SGK1: variants seen among roughly 807,000 people sequenced by gnomAD.
SGK1 encodes the protein serine/threonine-protein kinase Sgk1.
Under a neutral mutation model 64.2 loss-of-function variants are expected in SGK1, and 26 were observed. The observed-to-expected ratio is 0.40, with a 90% CI of 0.30 to 0.56. SGK1 has a LOEUF of 0.56. SGK1 is among the 20% of genes least tolerant of loss of function. The pLI is 0.38. For synonymous variants in SGK1, 265 were observed against 239.7 expected, an observed-to-expected ratio of 1.11 and a Z score of -0.98; for missense variants, 519 against 645.6, an observed-to-expected ratio of 0.80 and a Z score of 2.12.
intron 1 of SGK1, chr6:134,297,016 A>G (rs1777364698): frequency 2.3e-6 from 1 of 436,630 alleles, no homozygotes; most frequent in Non-Finnish European, 4.5e-6. Context: ...AGGACATCAG[A>G]GGACTTGGAC....
intron 2 of SGK1, among the ~76,000 whole-genome samples, chr6:134,215,846 G>A (rs780982213): frequency 2.0e-5 from 3 of 151,982 alleles, no homozygotes; most frequent in African/African-American, 4.8e-5. Context: ...GAGAAACTAC[G>A]TCTCTACTAA....
chr6:134,235,838 G>A lies in SGK1; in HGVS notation c.285+26095C>T, dbSNP rs528434339. ...GATCCTCTCTCCTCGGTCTCCCAAAGTGCTGGGATTATAGGTGTGAGCCGC... is the reference window on the plus strand; with the variant it reads ...GATCCTCTCTCCTCGGTCTCCCAAAATGCTGGGATTATAGGTGTGAGCCGC... On this transcript the variant is annotated intron_variant, in intron 2 of 13. Transcript: ENST00000367858. 2.6e-3 allele frequency among the ~76,000 whole-genome samples: 403 copies of A among 152,194 alleles called. 2 individuals carry two copies. The highest frequency in any genetic ancestry group is 9.4e-3 in the African/African-American group (389 of 41,528).
Position 134,173,577 on chromosome 6 carries a change from A to G in SGK1, c.514-11T>C, listed in dbSNP as rs1022768825. ...CTGAGAAGGACTTGGCTAGAAAAAA[A>G]AAAAAAGAATTTCTTTTAATACCAT... On this transcript the variant is annotated splice_polypyrimidine_tract_variant and intron_variant, in intron 5 of 13. Coordinates refer to ENST00000367858, the MANE Select transcript of SGK1 (RefSeq NM_001143676.3). The G allele has an allele frequency of 1.7e-5, 27 of 1,564,898 alleles. No individual in the cohort carries two copies. Among genetic ancestry groups the G allele is most frequent in the African/African-American group, 2.8e-5 (2 of 72,278 alleles).
At chr6:134,294,562 G>T (rs568233731) in intron 1 of SGK1, among the ~76,000 whole-genome samples, 17 of 152,156 alleles carry the variant, frequency 1.1e-4, no homozygotes, top group Admixed American at 9.8e-4. Flanking sequence ...TGAAATGGAG[G>T]CTCACTTTGT....
At chr6:134,197,549 G>C (rs1364208943) in intron 3 of SGK1, among the ~76,000 whole-genome samples, 1 of 152,088 alleles carries the variant, frequency 6.6e-6, no homozygotes, top group African/African-American at 2.4e-5. Context: ...AAGTAGGCCG[G>C]GCGTGGTGGT....
intron 3 of SGK1, among the ~76,000 whole-genome samples, chr6:134,204,927 C>T (rs1409208043): frequency 6.8e-6 from 1 of 146,098 alleles, no homozygotes; most frequent in East Asian, 2.0e-4. Flanking sequence ...TTTCTTTCTT[C>T]CTTCCTTCCT....
chr6:134,297,042 C>T (rs1480633453), intron 1 of SGK1: 9 of 445,974 alleles, frequency 2.0e-5, no homozygotes, highest in South Asian at 7.2e-5. Flanking sequence ...CTTCCCATTG[C>T]GGGTCTCGAT....
At chr6:134,190,159 G>A (rs1775486251) in intron 3 of SGK1, among the ~76,000 whole-genome samples, 1 of 152,020 alleles carries the variant, frequency 6.6e-6, no homozygotes, top group African/African-American at 2.4e-5. Context: ...CCTAAGTACT[G>A]TTTTTATATC....
At chr6:134,263,526 G>A (rs1036789350) in intron 1 of SGK1, among the ~76,000 whole-genome samples, 3 of 151,658 alleles carry the variant, frequency 2.0e-5, no homozygotes, top group Non-Finnish European at 2.9e-5. Flanking sequence ...CACTGAATCC[G>A]GCCCATATAT....
chr6:134,259,910 T>C (rs902322652), intron 2 of SGK1: 11 of 152,258 alleles, frequency 7.2e-5, no homozygotes, highest in South Asian at 2.1e-4. Flanking sequence ...AACCCAGTTA[T>C]GGAAGTCTAA....
chr6:134,310,922 A>C (rs1777599091), intron 1 of SGK1, among the ~76,000 whole-genome samples: 1 of 152,222 alleles, frequency 6.6e-6, no homozygotes, highest in South Asian at 2.1e-4. Context: ...ATTCATATTA[A>C]TGCAAAATAA....
intron 2 of SGK1, among the ~76,000 whole-genome samples, chr6:134,243,945 T>TTAATA (rs1776486479): frequency 6.6e-6 from 1 of 152,100 alleles, no homozygotes; most frequent in Non-Finnish European, 1.5e-5. Context: ...TAGTTTTATT[T>TTAATA]ATTTATTTTA....
intron 3 of SGK1, among the ~76,000 whole-genome samples, chr6:134,175,109 G>T (rs1427324070): frequency 6.6e-6 from 1 of 152,160 alleles, no homozygotes; most frequent in Non-Finnish European, 1.5e-5. Flanking sequence ...GTCTCCATCG[G>T]CTCCTGGGGC....
intron 3 of SGK1, among the ~76,000 whole-genome samples, chr6:134,197,788 T>C (rs1285152273): frequency 2.7e-5 from 4 of 149,790 alleles, no homozygotes; most frequent in Admixed American, 6.7e-5. Context: ...ATCGCGCCAC[T>C]GAGAGCACTG....
At chr6:134,226,342 T>A (rs1776177788) in intron 2 of SGK1, among the ~76,000 whole-genome samples, 1 of 146,902 alleles carries the variant, frequency 6.8e-6, no homozygotes, top group South Asian at 2.1e-4. Context: ...CTGCCCCCCC[T>A]CATCCAAAAA....
intron 2 of SGK1, among the ~76,000 whole-genome samples, chr6:134,227,949 T>G (rs1017314308): frequency 4.5e-5 from 6 of 132,692 alleles, no homozygotes; most frequent in African/African-American, 1.7e-4. Context: ...CATTCTTTTT[T>G]TTTTTTTTTT....
chr6:134,177,837 G>A (rs754742076), intron 3 of SGK1: 1 of 1,607,430 alleles, frequency 6.2e-7, no homozygotes, highest in East Asian at 2.2e-5. Context: ...GCACGAGCCA[G>A]AGACGGCTAT....
chr6:134,212,074 G>GA (rs398110707), intron 2 of SGK1, among the ~76,000 whole-genome samples: 6 of 150,108 alleles, frequency 4.0e-5, no homozygotes, highest in Non-Finnish European at 8.9e-5. Context: ...TTTTGGGGGG[G>GA]ACGGAGTCTC....
At chr6:134,175,734 C>A (rs901436452) in intron 3 of SGK1, 3 of 1,370,814 alleles carry the variant, frequency 2.2e-6, no homozygotes, top group South Asian at 3.2e-5. Flanking sequence ...AAGGAGCCGC[C>A]GTGACTCAGG....
Sources: allele counts gnomAD v4.1 joint callset (sites outside exome capture counted in the v4.1 genomes callset), GRCh38; gene constraint gnomAD v4.1.1; transcripts MANE v1.5; gene names NCBI Gene and HGNC (gene_info 2026-07-23, HGNC 2026-07-21).